The following SNX6 variants were observed in gnomAD, a reference collection of about 807,000 sequenced individuals.
The protein encoded by SNX6 is sorting nexin-6.
SNX6 carries 34 observed loss-of-function variants against 63.0 expected under a neutral mutation model. That is an observed-to-expected ratio of 0.54 (90% CI 0.41 to 0.72). The LOEUF (loss-of-function observed/expected upper bound fraction) is 0.72, where lower values mean the gene tolerates loss of function less well. Ranked by LOEUF, SNX6 falls within the 30% of genes least tolerant of loss-of-function variation. The pLI is 0.00. For missense variants in SNX6, 398 were observed against 471.4 expected (o/e 0.84, Z 1.44); for synonymous variants, 170 against 164.2 (o/e 1.04, Z -0.27).
rs1364202768 is a variant in SNX6 at position 34,573,160 on chromosome 14, T to C, written c.921+2596A>G. ...CCTAGCTAATTTTCAAAATATTTTG[T>C]AGACATAGAATGTCATTTTGTTGCC... On this transcript the variant is annotated intron_variant, in intron 11 of 13. Transcript: ENST00000362031. Among the ~76,000 whole-genome samples the C allele has an allele frequency of 5.9e-5, 9 of 152,270 alleles. No individual in the cohort carries two copies. The South Asian group carries it at 1.4e-3, about 25-fold the overall frequency.
At chr14:34,570,062 G>GTT (rs535291142) in intron 11 of SNX6, among the ~76,000 whole-genome samples, 2 of 149,088 alleles carry the variant, frequency 1.3e-5, no homozygotes, top group African/African-American at 4.9e-5. Flanking sequence ...TTTTTTTGGG[G>GTT]TTTTTTTTTT....
At chr14:34,606,704 G>A (rs773477055) in intron 4 of SNX6, among the ~76,000 whole-genome samples, 12 of 152,060 alleles carry the variant, frequency 7.9e-5, no homozygotes, top group Non-Finnish European at 1.3e-4. Flanking sequence ...CACCCGCCTC[G>A]GCCTCCCAGC....
chr14:34,565,005 G>A (rs911116275), intron 13 of SNX6, among the ~76,000 whole-genome samples: 2 of 150,788 alleles, frequency 1.3e-5, no homozygotes, highest in African/African-American at 2.4e-5. Flanking sequence ...ACTTGGCTGC[G>A]TTCCAATAAA....
At chr14:34,604,324 C>A (rs80145759) in intron 5 of SNX6, 6 of 1,211,082 alleles carry the variant, frequency 5.0e-6, no homozygotes, top group Non-Finnish European at 6.3e-6. Flanking sequence ...ACAGATTCTT[C>A]GATATTAATG....
intron 11 of SNX6, among the ~76,000 whole-genome samples, chr14:34,570,073 T>G (rs1168086914): frequency 1.3e-5 from 2 of 152,010 alleles, no homozygotes; most frequent in South Asian, 2.1e-4. Flanking sequence ...TTTTTTTTTT[T>G]GTTTCATTTT....
rs34881787 is a variant in SNX6 at position 34,575,196 on chromosome 14, A to AT, written c.921+559dup. Among the ~76,000 whole-genome samples, 297 of 111,008 alleles carry AT rather than the reference A, an allele frequency of 2.7e-3. 1 individual carries two copies. Among genetic ancestry groups the AT allele is most frequent in the South Asian group, 0.019 (63 of 3,274 alleles). 72.8% of individuals were successfully genotyped at this position (111,008 alleles called of 152,430 possible). On this transcript the variant is annotated intron_variant, in intron 11 of 13. Coordinates refer to ENST00000362031, the MANE Select transcript of SNX6 (RefSeq NM_152233.4). ...GCATGAGCCACCACCCCTGGCCTCA[A>AT]TTTTTTTTTTTTTTTTTTTGAGACA...
At chr14:34,611,690 C>T (rs1046479111) in intron 2 of SNX6, among the ~76,000 whole-genome samples, 2 of 144,932 alleles carry the variant, frequency 1.4e-5, no homozygotes, top group South Asian at 2.2e-4. Flanking sequence ...GCGGAGGTTG[C>T]GCTGAGCAGA....
At chr14:34,584,633 C>T (rs1199346323) in intron 9 of SNX6, among the ~76,000 whole-genome samples, 1 of 151,900 alleles carries the variant, frequency 6.6e-6, no homozygotes, top group African/African-American at 2.4e-5. Context: ...AATGGCAGTT[C>T]TTATTTATAA....
Position 34,609,708 on chromosome 14 carries a change from G to C in SNX6, c.89C>G (p.Ala30Gly), listed in dbSNP as rs1250348381. The stretch of plus-strand genomic sequence containing the variant: ...ATCAGAAATGTCCACCTGCAGAGCA[G>C]CATCACTTTGAAGATCTACATTTAT... ...KAINVDLQSD[A>G]ALQVDISDAL... is the part of the protein sequence containing the mutation. The change falls in exon 3 of 14, where the codon GCT (alanine) becomes GGT (glycine). Residue 30 changes from alanine (A) to glycine (G), a missense_variant. Ala to Gly is a moderately conservative substitution (Grantham distance 60, BLOSUM62 0). Transcript: ENST00000362031. 1.8e-5 allele frequency: 29 copies of C among 1,612,460 alleles called. No individual in the cohort carries two copies. The highest frequency in any genetic ancestry group is 2.1e-5 in the Non-Finnish European group (25 of 1,179,006).
At chr14:34,593,949 C>T (rs1882501743) in intron 7 of SNX6, among the ~76,000 whole-genome samples, 1 of 152,114 alleles carries the variant, frequency 6.6e-6, no homozygotes, top group South Asian at 2.1e-4. Context: ...TTTCTGACCT[C>T]AAGTGATCCG....
At chr14:34,603,202 C>T (rs1448082203) in intron 6 of SNX6, 146 bp downstream of exon 6, 6 of 630,342 alleles carry the variant, frequency 9.5e-6, no homozygotes, top group East Asian at 7.1e-5. Context: ...GGCATGAACC[C>T]GGGAGGCGGA....
At chr14:34,569,147 G>A (rs954954013) in intron 11 of SNX6, 2 of 793,430 alleles carry the variant, frequency 2.5e-6, no homozygotes, top group Non-Finnish European at 4.5e-6. Context: ...CCCGGCCTGT[G>A]CACTGCCAGC....
At chr14:34,571,051 T>C (rs1881430447) in intron 11 of SNX6, among the ~76,000 whole-genome samples, 2 of 151,880 alleles carry the variant, frequency 1.3e-5, no homozygotes, top group African/African-American at 4.8e-5. Context: ...TAAGAGTTCT[T>C]CATATATTCT....
At position 34,566,036 on chromosome 14, in the gene SNX6, C is replaced by T. The variant is rs542708851; in HGVS notation, c.1167+1650G>A. ...GACAGGGTTTCACCATGTTGGCTTG[C>T]GGTCTCGAACTCCTGACCTCAAGGG... On this transcript the variant is annotated intron_variant, in intron 13 of 13. Coordinates refer to ENST00000362031, the MANE Select transcript of SNX6 (RefSeq NM_152233.4). Among the ~76,000 whole-genome samples, 4 of 151,106 alleles carry T rather than the reference C, an allele frequency of 2.6e-5. No individual in the cohort carries two copies. In the South Asian group the frequency reaches 8.4e-4, roughly 32 times the overall value.
At chr14:34,623,363 G>A (rs571294341) in intron 2 of SNX6, among the ~76,000 whole-genome samples, 24 of 151,826 alleles carry the variant, frequency 1.6e-4, no homozygotes, top group Non-Finnish European at 2.9e-4. Context: ...ATGGGGGAGG[G>A]GATATTGAGA....
At chr14:34,577,672 T>C (rs761344524) in intron 10 of SNX6, among the ~76,000 whole-genome samples, 2 of 152,056 alleles carry the variant, frequency 1.3e-5, no homozygotes, top group Non-Finnish European at 2.9e-5. Flanking sequence ...CCAAATGCAA[T>C]ATATGGGACC....
chr14:34,609,872 T>C lies in SNX6; in HGVS notation c.55-130A>G, dbSNP rs1445893388. ...AAGTCTAAAGAGGTACTCATGTCCA[T>C]TTAACATACATACTATATACATTTT... On this transcript the variant is annotated intron_variant, in intron 2 of 13. Coordinates refer to ENST00000362031, the MANE Select transcript of SNX6 (RefSeq NM_152233.4). 5 of 614,362 alleles carry C rather than the reference T, an allele frequency of 8.1e-6. No individual in the cohort carries two copies. The Admixed American group carries it at 1.2e-4, about 15-fold the overall frequency. The allele number at this position is 614,362 out of a possible 1,614,324, so 38.1% of individuals were successfully genotyped here. A position where few individuals can be genotyped will look rare whatever the true frequency, so the allele number is the denominator to read the frequency against.
At chr14:34,582,235 G>A (rs34479175) in intron 9 of SNX6, among the ~76,000 whole-genome samples, 56,630 of 150,602 alleles carry the variant, frequency 0.38, 12,409 homozygotes, top group East Asian at 0.74. Flanking sequence ...GGGTTCAAGT[G>A]AGTCTCCTGC....
chr14:34,570,945 G>C (rs374828626), intron 11 of SNX6, among the ~76,000 whole-genome samples: 1 of 150,210 alleles, frequency 6.7e-6, no homozygotes, highest in Non-Finnish European at 1.5e-5. Flanking sequence ...GAATGGTCTC[G>C]ATCTCCTGAC....
Sources: allele counts gnomAD v4.1 joint callset (sites outside exome capture counted in the v4.1 genomes callset), GRCh38; gene constraint gnomAD v4.1.1; transcripts MANE v1.5; gene names NCBI Gene and HGNC (gene_info 2026-07-23, HGNC 2026-07-21).